Variants in ARHGEF3 observed in about 807,000 individuals in gnomAD.
ARHGEF3 encodes Rho guanine nucleotide exchange factor 3.
ARHGEF3 carries 28 observed loss-of-function variants against 63.2 expected under a neutral mutation model. The observed-to-expected ratio is 0.44, with a 90% CI of 0.33 to 0.61. The LOEUF (loss-of-function observed/expected upper bound fraction) is 0.61. Among genes scored for constraint, ARHGEF3 ranks in the 20% least tolerant of loss-of-function variants. The probability of loss-of-function intolerance (pLI) is 0.03; values close to 1 mark genes in which losing one functional copy is unlikely to be tolerated. For synonymous variants in ARHGEF3, 266 were observed against 254.2 expected, an observed-to-expected ratio of 1.05 and a Z score of -0.44; for missense variants, 533 against 659.3, an observed-to-expected ratio of 0.81 and a Z score of 2.10.
intron 2 of ARHGEF3, among the ~76,000 whole-genome samples, chr3:56,968,521 G>T (rs1047779384): frequency 6.9e-6 from 1 of 145,348 alleles, no homozygotes; most frequent in African/African-American, 2.6e-5. Context: ...TAGAGACGGG[G>T]TCTCCCTATG....
At chr3:56,972,201 C>A (rs891435012) in intron 2 of ARHGEF3, among the ~76,000 whole-genome samples, 1 of 152,100 alleles carries the variant, frequency 6.6e-6, no homozygotes, top group Non-Finnish European at 1.5e-5. Context: ...TCTCCAAGAC[C>A]TGGGTTCAAG....
chr3:56,757,488 A>G (rs2035148621), intron 2 of ARHGEF3, among the ~76,000 whole-genome samples: 1 of 152,142 alleles, frequency 6.6e-6, no homozygotes, highest in African/African-American at 2.4e-5. Flanking sequence ...AAAAAAAAAA[A>G]GTTATAATTA....
At chr3:56,749,014 T>C (rs893595779) in intron 6 of ARHGEF3, among the ~76,000 whole-genome samples, 1 of 152,100 alleles carries the variant, frequency 6.6e-6, no homozygotes, top group Non-Finnish European at 1.5e-5. Context: ...ATGTTTATTT[T>C]GTTCTGTTAA....
intron 2 of ARHGEF3, chr3:57,034,979 TG>T: frequency 1.1e-6 from 1 of 873,080 alleles, no homozygotes; most frequent in Non-Finnish European, 1.7e-6. Context: ...AAATTCTTGA[TG>T]GCCTCTACTG....
intron 4 of ARHGEF3, among the ~76,000 whole-genome samples, chr3:56,838,903 G>A (rs2039213190): frequency 6.6e-6 from 1 of 152,158 alleles, no homozygotes; most frequent in Admixed American, 6.5e-5. Context: ...AACAAGGTGG[G>A]AGGATCATTT....
At chr3:56,757,424 A>C (rs1316835480) in intron 2 of ARHGEF3, among the ~76,000 whole-genome samples, 1 of 152,162 alleles carries the variant, frequency 6.6e-6, no homozygotes, top group Non-Finnish European at 1.5e-5. Flanking sequence ...CAGTGAGCCA[A>C]GATCGTGCCA....
chr3:56,982,471 C>A (rs1353684375), intron 2 of ARHGEF3, among the ~76,000 whole-genome samples: 2 of 152,120 alleles, frequency 1.3e-5, no homozygotes, highest in Non-Finnish European at 2.9e-5. Flanking sequence ...GGGACTCTCT[C>A]AGACCATCCT....
intron 3 of ARHGEF3, among the ~76,000 whole-genome samples, chr3:56,956,811 A>T (rs183773398): frequency 6.6e-6 from 1 of 152,370 alleles, no homozygotes; most frequent in East Asian, 1.9e-4. Context: ...AAAAAGGCTA[A>T]CTTGCTCACA....
At chr3:56,879,490 G>A (rs4681926) in intron 4 of ARHGEF3, among the ~76,000 whole-genome samples, 149,278 of 152,300 alleles carry the variant, frequency 0.98, 73,222 homozygotes, top group East Asian at 1. Context: ...CTTGAATATG[G>A]TCTCCAAAGA....
intron 3 of ARHGEF3, chr3:56,939,796 C>T (rs918052188): frequency 2.0e-5 from 3 of 152,096 alleles, no homozygotes; most frequent in African/African-American, 7.2e-5. Context: ...GGATGATTAC[C>T]TTTTATGATA....
chr3:56,994,079 A>AAAAAAAAAAAAAAAAAAAAAAAC (rs1159552674), intron 2 of ARHGEF3, among the ~76,000 whole-genome samples: 1 of 148,222 alleles, frequency 6.7e-6, no homozygotes, highest in Non-Finnish European at 1.5e-5. Flanking sequence ...AAAAAAAAAA[A>AAAAAAAAAAAAAAAAAAAAAAAC]AAAAAAGCAC....
chr3:57,055,365 T>C (rs1418923402), intron 1 of ARHGEF3, among the ~76,000 whole-genome samples: 1 of 152,116 alleles, frequency 6.6e-6, no homozygotes, highest in Non-Finnish European at 1.5e-5. Context: ...TTCCACTATG[T>C]TGACCAGGCT....
intron 1 of ARHGEF3, among the ~76,000 whole-genome samples, chr3:56,785,320 G>A (rs1178027794): frequency 6.6e-6 from 1 of 152,146 alleles, no homozygotes; most frequent in Non-Finnish European, 1.5e-5. Flanking sequence ...AGAAAGGAAA[G>A]CAGTAAAATC....
At chr3:56,881,286 A>G (rs1048847206) in intron 4 of ARHGEF3, among the ~76,000 whole-genome samples, 3 of 152,204 alleles carry the variant, frequency 2.0e-5, no homozygotes, top group Non-Finnish European at 4.4e-5. Context: ...TTCTCATCTC[A>G]TAAGAGTAGC....
At chr3:57,023,153 AC>A (rs1703328037) in intron 2 of ARHGEF3, among the ~76,000 whole-genome samples, 1 of 152,144 alleles carries the variant, frequency 6.6e-6, no homozygotes, top group African/African-American at 2.4e-5. Context: ...CAGGGCAGGG[AC>A]CACCACATCC....
At chr3:57,039,938 G>A (rs993128034) in intron 1 of ARHGEF3, among the ~76,000 whole-genome samples, 1 of 152,112 alleles carries the variant, frequency 6.6e-6, no homozygotes, top group African/African-American at 2.4e-5. Flanking sequence ...AATGGCACCC[G>A]TGACCAGGGA....
At chr3:56,736,525 C>T (rs2033636585) in intron 8 of ARHGEF3, among the ~76,000 whole-genome samples, 1 of 152,330 alleles carries the variant, frequency 6.6e-6, no homozygotes, top group African/African-American at 2.4e-5. Context: ...ATGCATTCAA[C>T]TGAAGAGCTG....
At position 56,728,778 on chromosome 3, in the gene ARHGEF3, C is replaced by T. The variant is rs2032898364; in HGVS notation, c.*492G>A. On this transcript the variant is annotated 3_prime_UTR_variant, in exon 10 of 10. Transcript: ENST00000296315. ...GTTGAGTAAGATCAAACCAAGTTCA[C>T]TTCATGAGTTGGTCTTTCCTGATTC... The T allele has an allele frequency of 6.5e-6, 1 of 154,392 alleles. No individual in the cohort carries two copies. The highest frequency in any genetic ancestry group is 6.3e-5 in the Admixed American group (1 of 15,802). The allele number at this position is 154,392 out of a possible 1,614,324, so 9.6% of individuals were successfully genotyped here.
chr3:56,820,373 C>T (rs1578598577), intron 4 of ARHGEF3, among the ~76,000 whole-genome samples: 1 of 152,166 alleles, frequency 6.6e-6, no homozygotes, highest in East Asian at 1.9e-4. Flanking sequence ...TAGAGGAAAA[C>T]ATTAAAACAC....
Sources: gnomAD v4.1 joint callset for allele counts (sites outside exome capture counted in the v4.1 genomes callset) on GRCh38, gnomAD v4.1.1 for gene constraint, MANE v1.5 for transcripts, NCBI Gene and HGNC (gene_info 2026-07-23, HGNC 2026-07-21) for gene names.